DRAXIN: variants seen among roughly 807,000 people sequenced by gnomAD.
DRAXIN encodes dorsal repulsive axon guidance protein.
DRAXIN carries 27 observed loss-of-function variants against 33.9 expected under a neutral mutation model. That is an observed-to-expected ratio of 0.80 (90% confidence interval 0.59 to 1.10). DRAXIN has a LOEUF of 1.10. DRAXIN is among the 50% of genes least tolerant of loss of function. The probability of loss-of-function intolerance (pLI) is 0.00; values close to 1 mark genes in which losing one functional copy is unlikely to be tolerated. For synonymous variants in DRAXIN, 178 were observed against 194.0 expected (o/e 0.92, Z 0.69); for missense variants, 371 against 460.8 (o/e 0.81, Z 1.78).
intron 5 of DRAXIN, among the ~76,000 whole-genome samples, chr1:11,712,961 A>G (rs955803052): frequency 2.0e-5 from 3 of 151,556 alleles, no homozygotes; most frequent in African/African-American, 7.3e-5. Context: ...GCACTTTGGG[A>G]GGCCGAGGCA....
chr1:11,702,473 C>T (rs1449222129), intron 1 of DRAXIN, among the ~76,000 whole-genome samples: 2 of 151,788 alleles, frequency 1.3e-5, no homozygotes, highest in African/African-American at 4.8e-5. Flanking sequence ...CATACCTACA[C>T]ACCCACACAT....
upstream of DRAXIN, among the ~76,000 whole-genome samples, chr1:11,690,720 G>A (rs1223545150): frequency 6.6e-6 from 1 of 152,130 alleles, no homozygotes; most frequent in African/African-American, 2.4e-5. This position sits in a 1 kb window ranked among gnomAD's most constrained non-coding sequence, Gnocchi z 4.2. Flanking sequence ...GATCTTTGCA[G>A]CGTCCGTGGC....
chr1:11,687,301 G>T (rs1174089344), upstream of DRAXIN, among the ~76,000 whole-genome samples: 1 of 152,134 alleles, frequency 6.6e-6, no homozygotes, highest in South Asian at 2.1e-4. This position sits in a 1 kb window ranked among gnomAD's most constrained non-coding sequence, Gnocchi z 4.1. Flanking sequence ...GGGCGGTGGT[G>T]CAATCTCGGC....
chr1:11,713,530 T>C (rs1306839945), intron 5 of DRAXIN, among the ~76,000 whole-genome samples: 1 of 152,210 alleles, frequency 6.6e-6, no homozygotes, highest in Non-Finnish European at 1.5e-5. Context: ...TTGTAACTAA[T>C]GTCCTAAACC....
intron 1 of DRAXIN, among the ~76,000 whole-genome samples, chr1:11,703,539 T>C (rs1329614150): frequency 6.6e-6 from 1 of 152,122 alleles, no homozygotes; most frequent in Non-Finnish European, 1.5e-5. Flanking sequence ...AGGTCTTCAG[T>C]GCCAAAGTAA....
chr1:11,690,929 AGT>A (rs57223755), upstream of DRAXIN, among the ~76,000 whole-genome samples: 4,261 of 150,584 alleles, frequency 0.028, 77 homozygotes, highest in South Asian at 0.04. The surrounding 1 kb of genome is among the most constrained non-coding windows in gnomAD (Gnocchi z 4.2). Context: ...GCCGCGTGTG[AGT>A]GTGTGTGTGT....
In DRAXIN at chr1:11,722,906, A is replaced by G. The variant is rs916882574; in HGVS notation, c.*3210A>G. 2.7e-5 allele frequency: 4 copies of G among 150,444 alleles called. No individual in the cohort carries two copies. In the East Asian group the frequency reaches 7.8e-4, roughly 29 times the overall value. The allele number at this position is 150,444 out of a possible 1,614,324, so 9.3% of individuals were successfully genotyped here. ...CAGTGGCTCAGTCTCAGCTCACTGC[A>G]ACCTCTTCATCCCAGGTTCAAGCAA... On this transcript the variant is annotated 3_prime_UTR_variant, in exon 7 of 7. Coordinates refer to ENST00000294485, the MANE Select transcript of DRAXIN (RefSeq NM_198545.4).
chr1:11,698,354 A>G (rs909205924), intron 1 of DRAXIN, among the ~76,000 whole-genome samples: 1 of 152,172 alleles, frequency 6.6e-6, no homozygotes, highest in Admixed American at 6.5e-5. Context: ...AGCTCCACCT[A>G]AACAAGACAG....
intron 1 of DRAXIN, among the ~76,000 whole-genome samples, chr1:11,695,716 T>C (rs1041801970): frequency 2.6e-5 from 4 of 151,946 alleles, no homozygotes; most frequent in African/African-American, 9.7e-5. Context: ...AACACAGAGC[T>C]AAATGGTCTA....
At position 11,696,847 on chromosome 1, in the gene DRAXIN, C is replaced by T. The variant is rs568520701; in HGVS notation, c.-11+4994C>T. On this transcript the variant is annotated intron_variant, in intron 1 of 6. Transcript: ENST00000294485. This position sits in a 1 kb window ranked among gnomAD's most constrained non-coding sequence, Gnocchi z 4.7. ...ACTGCACTCCAGCCTGGTGACAGAGCAAGACTCTGTCTCAAAAAACAAAAA... is the reference window on the plus strand; with the variant it reads ...ACTGCACTCCAGCCTGGTGACAGAGTAAGACTCTGTCTCAAAAAACAAAAA... 6.6e-6 allele frequency among the ~76,000 whole-genome samples: 1 copy of T among 151,618 alleles called. No homozygotes were observed. Among genetic ancestry groups the T allele is most frequent in the South Asian group, 2.1e-4 (1 of 4,770 alleles).
chr1:11,686,807 T>TAAA (rs560855200), upstream of DRAXIN, among the ~76,000 whole-genome samples: 309 of 104,424 alleles, frequency 3.0e-3, 2 homozygotes, highest in East Asian at 0.023. Flanking sequence ...ACTGCCACTT[T>TAAA]AAAAAAAAAA....
rs1641201933 is a variant in DRAXIN at position 11,696,933 on chromosome 1, G to C, written c.-11+5080G>C. 6.6e-6 allele frequency among the ~76,000 whole-genome samples: 1 copy of C among 151,782 alleles called. No homozygotes were observed. The highest frequency in any genetic ancestry group is 1.5e-5 in the Non-Finnish European group (1 of 67,976). On this transcript the variant is annotated intron_variant, in intron 1 of 6. Transcript: ENST00000294485. The surrounding 1 kb of genome is among the most constrained non-coding windows in gnomAD (Gnocchi z 4.7). ...TGCCTGTAATCCCAGCTGCTTGGGA[G>C]GCTAAGGCAGAAGAATCACTTGAGC...
chr1:11,715,236 T>G, intron 6 of DRAXIN, 28 bp downstream of exon 6: 1 of 1,613,564 alleles, frequency 6.2e-7, no homozygotes, highest in Non-Finnish European at 8.5e-7. Flanking sequence ...TGCGGGGGGC[T>G]ACCCATGCTC....
At position 11,703,189 on chromosome 1, in the gene DRAXIN, A is replaced by G. The variant is rs535057319; in HGVS notation, c.-10-3060A>G. ...AGCTTCCAGTCTAGCCAGGGGCTCTAAAAAACCTGACGGTCCCAGCACAAA... is the reference window on the plus strand; with the variant it reads ...AGCTTCCAGTCTAGCCAGGGGCTCTGAAAAACCTGACGGTCCCAGCACAAA... On this transcript the variant is annotated intron_variant, in intron 1 of 6. Coordinates refer to ENST00000294485, the MANE Select transcript of DRAXIN (RefSeq NM_198545.4). Among the ~76,000 whole-genome samples the G allele has an allele frequency of 6.6e-5, 10 of 152,320 alleles. No individual in the cohort carries two copies. The East Asian group carries it at 1.7e-3, about 26-fold the overall frequency.
At chr1:11,715,341 G>T in intron 6 of DRAXIN, 133 bp downstream of exon 6, 3 of 1,047,890 alleles carry the variant, frequency 2.9e-6, no homozygotes, top group Non-Finnish European at 4.3e-6. Flanking sequence ...CCTGCGGCGG[G>T]GGTGTAGGTG....
At chr1:11,702,266 CACCCAT>C (rs1641303517) in intron 1 of DRAXIN, among the ~76,000 whole-genome samples, 1 of 151,136 alleles carries the variant, frequency 6.6e-6, no homozygotes, top group African/African-American at 2.4e-5. Flanking sequence ...TGCACATACA[CACCCAT>C]ACCCATACAT....
In DRAXIN at chr1:11,696,256, G is replaced by T. The variant is rs1247234244; in HGVS notation, c.-11+4403G>T. On this transcript the variant is annotated intron_variant, in intron 1 of 6. Transcript: ENST00000294485. The surrounding 1 kb of genome is among the most constrained non-coding windows in gnomAD (Gnocchi z 4.7). ...TCCCCTTCCCATAGTAACAACTACTGTTTATTTCACCCTTCTGTGTCCCAT... is the reference window on the plus strand; with the variant it reads ...TCCCCTTCCCATAGTAACAACTACTTTTTATTTCACCCTTCTGTGTCCCAT... 6.6e-6 allele frequency among the ~76,000 whole-genome samples: 1 copy of T among 152,174 alleles called. No individual in the cohort carries two copies. Among genetic ancestry groups the T allele is most frequent in the African/African-American group, 2.4e-5 (1 of 41,432 alleles).
At chr1:11,702,635 C>T (rs1170261684) in intron 1 of DRAXIN, among the ~76,000 whole-genome samples, 1 of 151,752 alleles carries the variant, frequency 6.6e-6, no homozygotes, top group Non-Finnish European at 1.5e-5. Context: ...CACACACATG[C>T]TCACACATGC....
In DRAXIN at chr1:11,704,270, G is replaced by C. The variant is rs985436959; in HGVS notation, c.-10-1979G>C. On this transcript the variant is annotated intron_variant, in intron 1 of 6. Transcript: ENST00000294485. This position sits in a 1 kb window ranked among gnomAD's most constrained non-coding sequence, Gnocchi z 4.6. Reference sequence around the variant, plus strand: ...TGTCCCTGCAGGACAGAAAGGCAGGGCTGGGTCTCGGACATGGACGGGATC... The same window carrying C: ...TGTCCCTGCAGGACAGAAAGGCAGGCCTGGGTCTCGGACATGGACGGGATC... Among the ~76,000 whole-genome samples the C allele has an allele frequency of 6.6e-6, 1 of 152,222 alleles. No homozygotes were observed. Among genetic ancestry groups the C allele is most frequent in the Non-Finnish European group, 1.5e-5 (1 of 68,042 alleles).
Sources: allele counts gnomAD v4.1 joint callset (sites outside exome capture counted in the v4.1 genomes callset), GRCh38; gene constraint gnomAD v4.1.1; non-coding constraint Gnocchi (gnomAD v3.1); transcripts MANE v1.5; gene names NCBI Gene and HGNC (gene_info 2026-07-23, HGNC 2026-07-21).